The following TOM1L1 variants were observed in gnomAD, a reference collection of about 807,000 sequenced individuals.
TOM1L1 encodes TOM1-like protein 1.
TOM1L1 carries 64 observed loss-of-function variants against 63.4 expected under a neutral mutation model. The observed-to-expected ratio is 1.01, with a 90% CI of 0.83 to 1.24. TOM1L1 has a LOEUF of 1.24. Among genes scored for constraint, TOM1L1 ranks in the 50% most tolerant of loss-of-function variants. TOM1L1 has a pLI of 0.00. For synonymous variants in TOM1L1, 166 were observed against 194.4 expected (o/e 0.85, Z 1.22); for missense variants, 536 against 567.0 (o/e 0.95, Z 0.55).
chr17:54,931,019 G>A (rs1233636797), intron 8 of TOM1L1, among the ~76,000 whole-genome samples: 2 of 152,012 alleles, frequency 1.3e-5, no homozygotes, highest in African/African-American at 4.8e-5. Flanking sequence ...CAGCCTGGGT[G>A]ATGGAGTGAA....
rs147840867 is a variant in TOM1L1, at chr17:54,927,225, G to C, written c.721-2848G>C. 1.7e-3 allele frequency among the ~76,000 whole-genome samples: 259 copies of C among 152,314 alleles called. 2 individuals carry two copies. Among genetic ancestry groups the C allele is most frequent in the Non-Finnish European group, 3.1e-3 (214 of 68,028 alleles). On this transcript the variant is annotated intron_variant, in intron 7 of 15. Coordinates refer to ENST00000575882, the MANE Select transcript of TOM1L1 (RefSeq NM_005486.3). Reference sequence around the variant, plus strand: ...GGTTTCTTGCGCTTTGGGGAATACTGGGATGAAGAAAATATGTTATGGGCT... The same window carrying C: ...GGTTTCTTGCGCTTTGGGGAATACTCGGATGAAGAAAATATGTTATGGGCT...
chr17:54,907,308 C>G (rs933948568), intron 3 of TOM1L1, among the ~76,000 whole-genome samples: 1 of 152,014 alleles, frequency 6.6e-6, no homozygotes, highest in African/African-American at 2.4e-5. Flanking sequence ...TCTTGACAAC[C>G]CTGTGAAGTA....
chr17:54,931,009 C>T (rs951974782), intron 8 of TOM1L1, among the ~76,000 whole-genome samples: 7 of 152,136 alleles, frequency 4.6e-5, no homozygotes, highest in African/African-American at 7.2e-5. Flanking sequence ...CACTGCACTC[C>T]AGCCTGGGTG....
chr17:54,919,156 T>C (rs1371681533), intron 7 of TOM1L1, among the ~76,000 whole-genome samples: 2 of 152,222 alleles, frequency 1.3e-5, no homozygotes, highest in African/African-American at 4.8e-5. Flanking sequence ...AAATTCATCA[T>C]TAAATAGATT....
intron 7 of TOM1L1, among the ~76,000 whole-genome samples, chr17:54,920,355 C>T (rs1235350252): frequency 6.6e-6 from 1 of 152,194 alleles, no homozygotes; most frequent in East Asian, 1.9e-4. Flanking sequence ...CCCAAACCAA[C>T]CAATATTCAC....
intron 6 of TOM1L1, 119 bp downstream of exon 6, chr17:54,914,862 G>T: frequency 2.5e-6 from 2 of 801,934 alleles, no homozygotes; most frequent in South Asian, 2.9e-5. Context: ...TTTCACAGAG[G>T]AAGAGACTGA....
intron 1 of TOM1L1, among the ~76,000 whole-genome samples, chr17:54,901,703 GTCAGGAACTTAGTGGGGTGATGAAA>G (rs1158560444): frequency 6.6e-6 from 1 of 152,256 alleles, no homozygotes; most frequent in Middle Eastern, 3.4e-3. Context: ...GTGTGATGAT[GTCAGGAACTTAGTGGGGTGATGAAA>G]TCGTGAGAAC....
intron 15 of TOM1L1, 105 bp from the exon 16 acceptor site, chr17:54,961,130 T>C: frequency 1.2e-6 from 1 of 809,934 alleles, no homozygotes; most frequent in Admixed American, 2.3e-5. Flanking sequence ...TTTCTTCTAC[T>C]AGACTGTGAC....
intron 14 of TOM1L1, chr17:54,952,546 CA>C (rs71159275): frequency 0.013 from 1,205 of 90,126 alleles, 17 homozygotes; most frequent in African/African-American, 0.045. Flanking sequence ...GAGACTGTCT[CA>C]AAAAAAAAAA....
At chr17:54,902,346 TG>T (rs1288145826) in intron 1 of TOM1L1, among the ~76,000 whole-genome samples, 2 of 152,134 alleles carry the variant, frequency 1.3e-5, no homozygotes, top group Non-Finnish European at 2.9e-5. Flanking sequence ...CAGGCTGGAG[TG>T]CAGTAGCTCT....
At chr17:54,932,889 T>C (rs2048886753) in intron 8 of TOM1L1, among the ~76,000 whole-genome samples, 1 of 152,224 alleles carries the variant, frequency 6.6e-6, no homozygotes, top group Non-Finnish European at 1.5e-5. Flanking sequence ...CATGAGACCA[T>C]TGCCTAAAGG....
chr17:54,949,592 G>C lies in TOM1L1; in HGVS notation c.1257G>C (p.Gln419His), dbSNP rs889843852. Residue 419 changes from glutamine to histidine, a missense_variant, in exon 13 of 16, where the codon CAG (glutamine) becomes CAC (histidine). By Grantham distance (24) the Gln-to-His change is conservative. Coordinates refer to ENST00000575882, the MANE Select transcript of TOM1L1 (RefSeq NM_005486.3). ...CCATTGCAGCAGCACCATCAAACCAGAGTCTGCCACCTTTGCCCAGCAATC... is the reference window on the plus strand; with the variant it reads ...CCATTGCAGCAGCACCATCAAACCACAGTCTGCCACCTTTGCCCAGCAATC... ...LQTIAAAPSN[Q>H]SLPPLPSNHP... is the part of the protein sequence containing the mutation. The C allele has an allele frequency of 1.5e-5, 24 of 1,606,440 alleles. No homozygotes were observed. The African/African-American group carries it at 2.0e-4, about 13-fold the overall frequency.
intron 8 of TOM1L1, among the ~76,000 whole-genome samples, chr17:54,931,122 G>C (rs1449835775): frequency 1.3e-5 from 2 of 149,904 alleles, no homozygotes; most frequent in Non-Finnish European, 2.9e-5. Context: ...ATCTCTACTT[G>C]CACAGTGACC....
intron 14 of TOM1L1, among the ~76,000 whole-genome samples, chr17:54,955,563 C>T (rs2049457534): frequency 6.6e-6 from 1 of 152,158 alleles, no homozygotes; most frequent in Non-Finnish European, 1.5e-5. Flanking sequence ...CATATTCATT[C>T]AGGCCACAGA....
chr17:54,913,997 T>G, intron 5 of TOM1L1, 124 bp downstream of exon 5: 3 of 1,103,046 alleles, frequency 2.7e-6, no homozygotes, highest in Non-Finnish European at 3.7e-6. Flanking sequence ...TAGAAGGATA[T>G]TGCAATATCT....
chr17:54,956,339 C>G (rs997664425), intron 14 of TOM1L1, among the ~76,000 whole-genome samples: 1 of 151,970 alleles, frequency 6.6e-6, no homozygotes, highest in Admixed American at 6.6e-5. Flanking sequence ...GAGTGTCACT[C>G]TGTCATTAGG....
chr17:54,936,528 TTG>T, intron 8 of TOM1L1, 119 bp from the exon 9 acceptor site: 2 of 792,326 alleles, frequency 2.5e-6, no homozygotes. Flanking sequence ...TTACTGATAA[TTG>T]TGTGAGGATG....
rs1032135157 is a variant in TOM1L1, at chr17:54,922,157, G to A, written c.720+6295G>A. On this transcript the variant is annotated intron_variant, in intron 7 of 15. Coordinates refer to ENST00000575882, the MANE Select transcript of TOM1L1 (RefSeq NM_005486.3). ...AAATACAAAAAATTAGCCAGGTATG[G>A]TGGTGGGCGCCTGTAGTCCCAACTA... Among the ~76,000 whole-genome samples the A allele has an allele frequency of 2.6e-5, 4 of 152,222 alleles. No individual in the cohort carries two copies. The South Asian group carries it at 8.3e-4, about 32-fold the overall frequency.
At chr17:54,921,641 G>A (rs1396704581) in intron 7 of TOM1L1, among the ~76,000 whole-genome samples, 1 of 152,130 alleles carries the variant, frequency 6.6e-6, no homozygotes, top group Non-Finnish European at 1.5e-5. Context: ...AGGAGACTGA[G>A]GCACGAGAAT....
Sources: allele counts gnomAD v4.1 joint callset (sites outside exome capture counted in the v4.1 genomes callset), GRCh38; gene constraint gnomAD v4.1.1; transcripts MANE v1.5; gene names NCBI Gene and HGNC (gene_info 2026-07-23, HGNC 2026-07-21).